ANO1: variants seen among roughly 807,000 people sequenced by gnomAD.
ANO1 encodes the protein anoctamin-1.
In ANO1, 59 loss-of-function variants were observed where a neutral mutation model predicts 124.0. The observed-to-expected ratio is 0.48, with a 90% confidence interval of 0.39 to 0.59. The LOEUF is 0.59. Among genes scored for constraint, ANO1 ranks in the 20% least tolerant of loss-of-function variants. ANO1 has a pLI of 0.00. For synonymous variants in ANO1, 529 were observed against 532.0 expected (o/e 0.99, Z 0.08); for missense variants, 1,059 against 1,328.0 (o/e 0.80, Z 3.15).
intron 1 of ANO1, among the ~76,000 whole-genome samples, chr11:70,012,512 A>ATCCATCCATCCATTGT (rs1856616670): frequency 6.9e-6 from 1 of 145,270 alleles, no homozygotes; most frequent in Non-Finnish European, 1.5e-5. Context: ...CCATTCTTTC[A>ATCCATCCATCCATTGT]TCCATCCATC....
In ANO1 at chr11:70,155,986, T is replaced by C; in HGVS notation, c.1501T>C (p.Leu501=). ...RVKTAMAGVK[L]TDKVKLTWRD... ...TAAGACAGCCATGGCGGGGGTGAAATTGGTACTTTTCTATTTTGCGGGCAG... is the reference window on the plus strand; with the variant it reads ...TAAGACAGCCATGGCGGGGGTGAAACTGGTACTTTTCTATTTTGCGGGCAG... The change falls in exon 15 of 26, where the codon TTG becomes CTG. Residue 501 remains leucine, a splice_region_variant and synonymous_variant. Coordinates refer to ENST00000355303, the MANE Select transcript of ANO1 (RefSeq NM_018043.7). 1 of 1,513,616 alleles carries C rather than the reference T, an allele frequency of 6.6e-7. No homozygotes were observed. Among genetic ancestry groups the C allele is most frequent in the Non-Finnish European group, 8.8e-7 (1 of 1,131,040 alleles). 93.8% of individuals were successfully genotyped at this position (1,513,616 alleles called of 1,614,324 possible). A position where few individuals can be genotyped will look rare whatever the true frequency, so the allele number is the denominator to read the frequency against.
intron 24 of ANO1, among the ~76,000 whole-genome samples, chr11:70,183,395 T>A (rs145618055): frequency 5.5e-4 from 83 of 152,218 alleles, no homozygotes; most frequent in African/African-American, 2.0e-3. Context: ...AGGGACTGAG[T>A]CTTACTGCCC....
chr11:70,018,759 C>T (rs2134991167), intron 1 of ANO1, among the ~76,000 whole-genome samples: 1 of 152,358 alleles, frequency 6.6e-6, no homozygotes, highest in Non-Finnish European at 1.5e-5. Flanking sequence ...AAGAACAAAC[C>T]TGGGCCTCAG....
chr11:70,009,927 C>G (rs1856560229), intron 1 of ANO1, among the ~76,000 whole-genome samples: 1 of 151,872 alleles, frequency 6.6e-6, no homozygotes, highest in African/African-American at 2.4e-5. Flanking sequence ...CACCCTCCTC[C>G]CACCCTTCCC....
intron 1 of ANO1, among the ~76,000 whole-genome samples, chr11:70,057,434 TTGTGTGTGTG>T (rs142366013): frequency 6.6e-4 from 99 of 149,922 alleles, no homozygotes; most frequent in African/African-American, 2.2e-3. Flanking sequence ...AACTCCAATT[TTGTGTGTGTG>T]TGTGTGTGTG....
At chr11:70,027,008 T>G (rs1240419710) in intron 1 of ANO1, among the ~76,000 whole-genome samples, 2 of 152,146 alleles carry the variant, frequency 1.3e-5, no homozygotes, top group Non-Finnish European at 2.9e-5. Context: ...CATTCAAGTC[T>G]CTCTGCTCAA....
At chr11:70,182,463 A>G (rs748047843) in intron 23 of ANO1, 39 bp from the exon 24 acceptor site, 1 of 1,458,160 alleles carries the variant, frequency 6.9e-7, no homozygotes, top group Non-Finnish European at 9.1e-7. Flanking sequence ...TTCTGCGCCC[A>G]GGCTGGGGGT....
At chr11:69,992,189 G>A (rs4603323) in intron 1 of ANO1, among the ~76,000 whole-genome samples, 21,676 of 151,504 alleles carry the variant, frequency 0.14, 1,637 homozygotes, top group African/African-American at 0.17. Context: ...ATGGATAGTA[G>A]GTGAATGGAT....
At chr11:69,991,148 G>A (rs61885149) in intron 1 of ANO1, among the ~76,000 whole-genome samples, 12,873 of 152,212 alleles carry the variant, frequency 0.085, 705 homozygotes, top group East Asian at 0.14. Flanking sequence ...TGTGGAGTAC[G>A]CTAGAGAGCC....
chr11:69,982,899 G>C (rs1014803464), upstream of ANO1, among the ~76,000 whole-genome samples: 25 of 152,322 alleles, frequency 1.6e-4, no homozygotes, highest in African/African-American at 6.0e-4. Context: ...GCATTTAAAT[G>C]ACCTGTGGCC....
intron 1 of ANO1, among the ~76,000 whole-genome samples, chr11:69,997,961 C>G (rs1483380220): frequency 6.6e-6 from 1 of 152,158 alleles, no homozygotes; most frequent in African/African-American, 2.4e-5. Context: ...ATAAATTACC[C>G]AGGCTTCAAT....
At chr11:70,049,154 A>T (rs546125734) in intron 1 of ANO1, among the ~76,000 whole-genome samples, 1 of 152,328 alleles carries the variant, frequency 6.6e-6, no homozygotes, top group East Asian at 1.9e-4. Flanking sequence ...AGCCCACCTC[A>T]GCAGGCTAAA....
At chr11:70,029,400 G>A (rs991680229) in intron 1 of ANO1, among the ~76,000 whole-genome samples, 1 of 152,208 alleles carries the variant, frequency 6.6e-6, no homozygotes, top group African/African-American at 2.4e-5. Context: ...CGGCTCATTT[G>A]CTTCAAGAGC....
At chr11:69,986,448 G>C (rs1554996884) in intron 1 of ANO1, among the ~76,000 whole-genome samples, 1 of 152,104 alleles carries the variant, frequency 6.6e-6, no homozygotes, top group Non-Finnish European at 1.5e-5. Context: ...GGGCGCCGCC[G>C]GGCAGGGGCC....
chr11:70,008,081 T>C (rs1237952380), intron 1 of ANO1, among the ~76,000 whole-genome samples: 1 of 151,378 alleles, frequency 6.6e-6, no homozygotes, highest in Non-Finnish European at 1.5e-5. Context: ...CTATTAATTC[T>C]CTTGCTCATT....
At chr11:70,053,135 A>G (rs1857380506) in intron 1 of ANO1, among the ~76,000 whole-genome samples, 2 of 152,098 alleles carry the variant, frequency 1.3e-5, no homozygotes, top group Non-Finnish European at 2.9e-5. Context: ...TTACTTTTTG[A>G]TTCCAATAGT....
At chr11:70,038,898 T>C (rs1857137329) in intron 1 of ANO1, among the ~76,000 whole-genome samples, 1 of 151,988 alleles carries the variant, frequency 6.6e-6, no homozygotes, top group Non-Finnish European at 1.5e-5. Context: ...GGAGTGTGTA[T>C]AACCTTCGGG....
intron 22 of ANO1, among the ~76,000 whole-genome samples, chr11:70,177,594 C>CTTTTTTTTTTCTTTTTTTTT (rs1565281935): frequency 1.3e-5 from 1 of 78,930 alleles, no homozygotes; most frequent in Non-Finnish European, 2.2e-5. Context: ...TTTTTTTTTT[C>CTTTTTTTTTTCTTTTTTTTT]TTTTTTTTTT....
At chr11:70,108,033 G>GT (rs1201416143) in intron 5 of ANO1, among the ~76,000 whole-genome samples, 4 of 152,260 alleles carry the variant, frequency 2.6e-5, no homozygotes, top group African/African-American at 9.6e-5. Context: ...CTGTGACACA[G>GT]GACACCAGCA....
Sources: allele counts gnomAD v4.1 joint callset (sites outside exome capture counted in the v4.1 genomes callset), GRCh38; gene constraint gnomAD v4.1.1; transcripts MANE v1.5; gene names NCBI Gene and HGNC (gene_info 2026-07-23, HGNC 2026-07-21).